SLCO3A1: variants seen among roughly 807,000 people sequenced by gnomAD.
SLCO3A1 encodes PGE1 transporter.
A neutral mutation model predicts 63.1 loss-of-function variants in SLCO3A1; 27 were observed. The ratio of observed to expected loss-of-function variants is 0.43; its 90% CI spans 0.32 to 0.59. The LOEUF (loss-of-function observed/expected upper bound fraction) is 0.59. SLCO3A1 is among the 20% of genes least tolerant of loss of function. The probability of loss-of-function intolerance (pLI) is 0.09; values close to 1 mark genes in which losing one functional copy is unlikely to be tolerated. For synonymous variants in SLCO3A1, 473 were observed against 409.9 expected, an observed-to-expected ratio of 1.15 and a Z score of -1.86; for missense variants, 773 against 945.8, an observed-to-expected ratio of 0.82 and a Z score of 2.40.
intron 2 of SLCO3A1, among the ~76,000 whole-genome samples, chr15:91,956,763 T>G (rs1900192839): frequency 6.7e-6 from 1 of 149,474 alleles, no homozygotes; most frequent in African/African-American, 2.5e-5. Flanking sequence ...CTGGACTTGC[T>G]GTGGCCTTGC....
chr15:91,908,812 G>C (rs1325561415), intron 1 of SLCO3A1: 2 of 150,626 alleles, frequency 1.3e-5, no homozygotes, highest in Non-Finnish European at 2.9e-5. Context: ...TGTAATCCCA[G>C]CACTTTGGGA....
chr15:92,097,158 C>G (rs923601387), intron 3 of SLCO3A1, among the ~76,000 whole-genome samples: 2 of 152,166 alleles, frequency 1.3e-5, no homozygotes, highest in East Asian at 3.8e-4. Flanking sequence ...CAAAAGCCTG[C>G]GAATGACCAG....
chr15:92,163,013 T>C lies in SLCO3A1; in HGVS notation c.2011T>C (p.Ser671Pro), dbSNP rs1315700589. ...GCTGAGCACCAGTGAGTTCTTTGCCTCTACTCTGACCCTAGACAACCTGGG... is the reference window on the plus strand; with the variant it reads ...GCTGAGCACCAGTGAGTTCTTTGCCCCTACTCTGACCCTAGACAACCTGGG... Reference protein sequence around the residue: ...GGLSTSEFFASTLTLDNLGRD... With the variant: ...GGLSTSEFFAPTLTLDNLGRD... Residue 671 changes from serine to proline, a missense_variant, in exon 10 of 10, where the codon TCT (serine) becomes CCT (proline). Physicochemically the swap from Ser to Pro is moderately conservative, Grantham distance 74. This residue lies in a region of SLCO3A1 where 139 missense variants were observed against 131.4 expected (regional missense o/e 1.06). Coordinates refer to ENST00000318445, the MANE Select transcript of SLCO3A1 (RefSeq NM_013272.4). 6.2e-7 allele frequency: 1 copy of C among 1,611,354 alleles called. No homozygotes were observed. Among genetic ancestry groups the C allele is most frequent in the Non-Finnish European group, 8.5e-7 (1 of 1,178,422 alleles).
intron 8 of SLCO3A1, chr15:92,148,749 G>T (rs1028594240): frequency 2.0e-5 from 3 of 152,100 alleles, no homozygotes; most frequent in Non-Finnish European, 2.9e-5. Flanking sequence ...AAAAGAAAGA[G>T]CTCAATGCAG....
In SLCO3A1 at chr15:92,063,717, G is replaced by C. The variant is rs1027904131; in HGVS notation, c.647-31164G>C. ...ATACAAAAATTAGCCAGGCATGGTG[G>C]CGCGTACCTGTAGTCCCAGCTACTC... On this transcript the variant is annotated intron_variant, in intron 2 of 9. Coordinates refer to ENST00000318445, the MANE Select transcript of SLCO3A1 (RefSeq NM_013272.4). Among the ~76,000 whole-genome samples the C allele has an allele frequency of 2.0e-5, 3 of 152,144 alleles. 1 individual carries two copies. In the South Asian group the frequency reaches 6.2e-4, roughly 32 times the overall value.
Position 91,967,594 on chromosome 15 carries a change from A to G in SLCO3A1, c.646+51136A>G, listed in dbSNP as rs1274293109. On this transcript the variant is annotated intron_variant, in intron 2 of 9. Transcript: ENST00000318445. The surrounding 1 kb of genome is among the most constrained non-coding windows in gnomAD (Gnocchi z 4.4). Reference sequence around the variant, plus strand: ...AAAAATCAATATGGATAAGACACCTATTACACAGATAATCCCATATGAAAT... The same window carrying G: ...AAAAATCAATATGGATAAGACACCTGTTACACAGATAATCCCATATGAAAT... Among the ~76,000 whole-genome samples the G allele has an allele frequency of 6.6e-6, 1 of 152,372 alleles. No individual in the cohort carries two copies. The highest frequency in any genetic ancestry group is 2.4e-5 in the African/African-American group (1 of 41,584).
rs1898684944 is a variant in SLCO3A1 at position 91,916,999 on chromosome 15, T to G, written c.646+541T>G. 6.6e-6 allele frequency among the ~76,000 whole-genome samples: 1 copy of G among 152,212 alleles called. No homozygotes were observed. The highest frequency in any genetic ancestry group is 1.5e-5 in the Non-Finnish European group (1 of 68,042). The stretch of plus-strand genomic sequence containing the variant: ...TATGTAGAGAGAAATAAGGTATTTG[T>G]GTTTTGAAAAGTTATTTTTCACGGT... On this transcript the variant is annotated intron_variant, in intron 2 of 9. Transcript: ENST00000318445. The surrounding 1 kb of genome is among the most constrained non-coding windows in gnomAD (Gnocchi z 6.2).
In SLCO3A1 at chr15:92,003,715, A is replaced by G. The variant is rs975325107; in HGVS notation, c.646+87257A>G. ...GGCTTTCGTGAGTGATACAGTAGGT[A>G]TACACAACAGTTAGTTCCCCATGGA... is the stretch of plus-strand genomic sequence containing the variant. On this transcript the variant is annotated intron_variant, in intron 2 of 9. Transcript: ENST00000318445. Among the ~76,000 whole-genome samples the G allele has an allele frequency of 3.9e-5, 6 of 152,328 alleles. No homozygotes were observed. In the South Asian group the frequency reaches 1.0e-3, roughly 26 times the overall value.
chr15:92,108,961 C>G (rs1426618060), intron 4 of SLCO3A1, among the ~76,000 whole-genome samples: 2 of 152,024 alleles, frequency 1.3e-5, no homozygotes, highest in Non-Finnish European at 2.9e-5. Flanking sequence ...CTGTATCTGT[C>G]CAAAGATTAT....
chr15:92,148,960 G>A (rs534698544), intron 8 of SLCO3A1: 3 of 152,338 alleles, frequency 2.0e-5, no homozygotes, highest in South Asian at 4.1e-4. Context: ...CAGATCTCAT[G>A]TATAGGTTTT....
At chr15:91,896,534 G>A (rs1005347980) in intron 1 of SLCO3A1, among the ~76,000 whole-genome samples, 19 of 152,208 alleles carry the variant, frequency 1.2e-4, no homozygotes, top group East Asian at 3.9e-4. Context: ...GGGTTTTCCC[G>A]TGCTGTTCTC....
chr15:92,003,921 G>A (rs914983015), intron 2 of SLCO3A1, among the ~76,000 whole-genome samples: 1 of 152,206 alleles, frequency 6.6e-6, no homozygotes, highest in Admixed American at 6.5e-5. Flanking sequence ...ACCTGCTGCA[G>A]AAGGGCCATG....
chr15:92,131,839 C>G lies in SLCO3A1; in HGVS notation c.1512+3350C>G, dbSNP rs753049992. Among the ~76,000 whole-genome samples, 3 of 146,284 alleles carry G rather than the reference C, an allele frequency of 2.1e-5. 1 individual carries two copies. The highest frequency in any genetic ancestry group is 4.6e-5 in the Non-Finnish European group (3 of 65,304). ...CTGAGAAGCCTTCTCCAGCTCATTGCTTCCTCCAGGGCTGTGTTAGTGCCC... is the reference window on the plus strand; with the variant it reads ...CTGAGAAGCCTTCTCCAGCTCATTGGTTCCTCCAGGGCTGTGTTAGTGCCC... On this transcript the variant is annotated intron_variant, in intron 7 of 9. Transcript: ENST00000318445.
rs1018834959 is a variant in SLCO3A1 at position 91,856,567 on chromosome 15, G to A, written c.180+2479G>A. Among the ~76,000 whole-genome samples, 5 of 152,174 alleles carry A rather than the reference G, an allele frequency of 3.3e-5. No homozygotes were observed. The highest frequency in any genetic ancestry group is 1.2e-4 in the African/African-American group (5 of 41,440). ...ATAATTGGAGAATGAAATATTGCAGGCTGTTTGCAGGAAAGGCACATTTCT... is the reference window on the plus strand; with the variant it reads ...ATAATTGGAGAATGAAATATTGCAGACTGTTTGCAGGAAAGGCACATTTCT... On this transcript the variant is annotated intron_variant, in intron 1 of 9. Coordinates refer to ENST00000318445, the MANE Select transcript of SLCO3A1 (RefSeq NM_013272.4). This position sits in a 1 kb window ranked among gnomAD's most constrained non-coding sequence, Gnocchi z 4.9.
chr15:91,922,111 T>C (rs1243706722), intron 2 of SLCO3A1, among the ~76,000 whole-genome samples: 1 of 152,214 alleles, frequency 6.6e-6, no homozygotes, highest in Non-Finnish European at 1.5e-5. Context: ...ATGTGGATGA[T>C]GCAGTTTTAA....
intron 7 of SLCO3A1, among the ~76,000 whole-genome samples, chr15:92,138,521 G>C (rs556189667): frequency 8.8e-6 from 1 of 114,194 alleles, no homozygotes; most frequent in South Asian, 2.6e-4. Flanking sequence ...GAAAGTCATT[G>C]GTAGCTTGAT....
At chr15:92,095,506 A>C (rs1306866552) in intron 3 of SLCO3A1, among the ~76,000 whole-genome samples, 1 of 152,214 alleles carries the variant, frequency 6.6e-6, no homozygotes, top group African/African-American at 2.4e-5. Context: ...ATCCACATTC[A>C]AAACCATTTT....
intron 4 of SLCO3A1, among the ~76,000 whole-genome samples, chr15:92,113,183 T>C (rs207957): frequency 0.71 from 107,261 of 152,074 alleles, 38,005 homozygotes; most frequent in Admixed American, 0.79. Flanking sequence ...GGAGCCTGCG[T>C]TTTTCTGACT....
At chr15:92,034,402 G>C (rs1251425641) in intron 2 of SLCO3A1, among the ~76,000 whole-genome samples, 1 of 151,536 alleles carries the variant, frequency 6.6e-6, no homozygotes, top group Non-Finnish European at 1.5e-5. Context: ...GAACATCCAA[G>C]TGGAGACGAT....
Sources: allele counts gnomAD v4.1 joint callset (sites outside exome capture counted in the v4.1 genomes callset), GRCh38; gene constraint gnomAD v4.1.1; regional missense constraint gnomAD v4.1.1; non-coding constraint Gnocchi (gnomAD v3.1); transcripts MANE v1.5; gene names NCBI Gene and HGNC (gene_info 2026-07-23, HGNC 2026-07-21).